MAP4K4: variants seen among roughly 807,000 people sequenced by gnomAD.
The protein encoded by MAP4K4 is mitogen-activated protein kinase kinase kinase kinase 4.
MAP4K4 carries 38 observed loss-of-function variants against 189.6 expected under a neutral mutation model. The observed-to-expected ratio is 0.20, with a 90% CI of 0.15 to 0.26. The LOEUF is 0.26. MAP4K4 is among the 10% of genes least tolerant of loss of function. The probability of loss-of-function intolerance (pLI) is 1.00; values close to 1 mark genes in which losing one functional copy is unlikely to be tolerated. For missense variants in MAP4K4, 1,054 were observed against 1,726.9 expected, an observed-to-expected ratio of 0.61 and a Z score of 6.91; for synonymous variants, 610 against 624.3, an observed-to-expected ratio of 0.98 and a Z score of 0.34.
intron 2 of MAP4K4, among the ~76,000 whole-genome samples, chr2:101,707,427 T>C (rs1463364872): frequency 1.3e-5 from 2 of 152,084 alleles, no homozygotes; most frequent in Non-Finnish European, 2.9e-5. Flanking sequence ...CAGGCTGTTA[T>C]CGAACTCCTG....
At chr2:101,882,911 C>T (rs886759362) in intron 28 of MAP4K4, among the ~76,000 whole-genome samples, 5 of 152,190 alleles carry the variant, frequency 3.3e-5, no homozygotes, top group African/African-American at 9.7e-5. Context: ...TAACAGAGTT[C>T]GTCCCTGCAA....
chr2:101,820,989 G>C (rs961546224), intron 3 of MAP4K4, among the ~76,000 whole-genome samples: 8 of 152,032 alleles, frequency 5.3e-5, no homozygotes, highest in Admixed American at 2.6e-4. Flanking sequence ...TTCTGTTTTA[G>C]AATAAAGTTC....
Position 101,821,318 on chromosome 2 carries a change from G to A in MAP4K4, c.181-2610G>A, listed in dbSNP as rs569399808. Among the ~76,000 whole-genome samples, 17 of 152,226 alleles carry A rather than the reference G, an allele frequency of 1.1e-4. No homozygotes were observed. In the South Asian group the frequency reaches 1.2e-3, roughly 11 times the overall value. On this transcript the variant is annotated intron_variant, in intron 3 of 32. Transcript: ENST00000324219. ...GTGCATCACTTAACCATGAGGATACGTTCTCAGAAATGCATCATTCATTAG... is the reference window on the plus strand; with the variant it reads ...GTGCATCACTTAACCATGAGGATACATTCTCAGAAATGCATCATTCATTAG...
intron 3 of MAP4K4, among the ~76,000 whole-genome samples, chr2:101,792,411 C>G (rs1392765777): frequency 6.6e-6 from 1 of 152,116 alleles, no homozygotes; most frequent in Non-Finnish European, 1.5e-5. Context: ...GGTCAGGATA[C>G]GTCCTCTTTC....
chr2:101,781,262 G>A (rs1050998201), intron 2 of MAP4K4, among the ~76,000 whole-genome samples: 1 of 152,096 alleles, frequency 6.6e-6, no homozygotes, highest in African/African-American at 2.4e-5. Context: ...CTTGGAAGGG[G>A]CGCTATCCTT....
chr2:101,808,537 CA>C (rs2095176882), intron 3 of MAP4K4, among the ~76,000 whole-genome samples: 1 of 147,966 alleles, frequency 6.8e-6, no homozygotes, highest in Non-Finnish European at 1.5e-5. Flanking sequence ...CCTGTTACAC[CA>C]CCCTCACCCC....
intron 9 of MAP4K4, among the ~76,000 whole-genome samples, chr2:101,838,024 C>T (rs2096812133): frequency 6.6e-6 from 1 of 152,210 alleles, no homozygotes; most frequent in Non-Finnish European, 1.5e-5. Flanking sequence ...TTTGTGATTG[C>T]TGTCCACCGT....
intron 28 of MAP4K4, among the ~76,000 whole-genome samples, chr2:101,884,896 G>A (rs2098459639): frequency 1.3e-5 from 2 of 152,168 alleles, no homozygotes; most frequent in Admixed American, 6.5e-5. Flanking sequence ...AGCCCTTGAA[G>A]ACTTCAGGGT....
chr2:101,712,016 C>A (rs73943739), intron 2 of MAP4K4, among the ~76,000 whole-genome samples: 2,049 of 133,058 alleles, frequency 0.015, 56 homozygotes, highest in African/African-American at 0.055. Flanking sequence ...CTTTTGCTGA[C>A]TTATTACCTA....
At chr2:101,824,913 A>G (rs1436564377) in intron 4 of MAP4K4, among the ~76,000 whole-genome samples, 1 of 152,216 alleles carries the variant, frequency 6.6e-6, no homozygotes, top group Non-Finnish European at 1.5e-5. Context: ...TATAAAATAT[A>G]ATAGTTTGAG....
At chr2:101,826,036 A>G (rs2096340743) in intron 5 of MAP4K4, among the ~76,000 whole-genome samples, 1 of 152,182 alleles carries the variant, frequency 6.6e-6, no homozygotes, top group Non-Finnish European at 1.5e-5. Context: ...AGGATTTCGT[A>G]TTTGAGCAGT....
At chr2:101,850,383 C>T (rs1429045105) in intron 12 of MAP4K4, among the ~76,000 whole-genome samples, 1 of 152,186 alleles carries the variant, frequency 6.6e-6, no homozygotes, top group Non-Finnish European at 1.5e-5. Context: ...AATTAATAAA[C>T]TGTGCCATGC....
intron 3 of MAP4K4, among the ~76,000 whole-genome samples, chr2:101,812,640 T>TA (rs959285132): frequency 4.5e-4 from 68 of 152,274 alleles, no homozygotes; most frequent in Admixed American, 2.4e-3. Flanking sequence ...GCTAATGACT[T>TA]AGAGTATCTT....
chr2:101,701,266 A>G (rs540878142), intron 2 of MAP4K4, among the ~76,000 whole-genome samples: 4 of 152,264 alleles, frequency 2.6e-5, no homozygotes, highest in Admixed American at 2.6e-4. Flanking sequence ...CTGAGATTTG[A>G]TATGTCGTAT....
intron 22 of MAP4K4, 63 bp downstream of exon 22, chr2:101,869,860 G>A: frequency 6.8e-7 from 1 of 1,462,550 alleles, no homozygotes; most frequent in Non-Finnish European, 9.0e-7. Flanking sequence ...TTTCCACTGG[G>A]ACCTAGTTGT....
chr2:101,793,260 T>C (rs35188912), intron 3 of MAP4K4, among the ~76,000 whole-genome samples: 2 of 152,244 alleles, frequency 1.3e-5, no homozygotes, highest in African/African-American at 4.8e-5. Context: ...CCATGTTTCT[T>C]GTGTGCTGTT....
chr2:101,699,212 G>A lies in MAP4K4; in HGVS notation c.123+674G>A, dbSNP rs189316023. On this transcript the variant is annotated intron_variant, in intron 2 of 32. Transcript: ENST00000324219. ...TGACAGAGAGCGAAGAGAATATAGA[G>A]GATGCCCTGGTTTACACCCACCCAG... Among the ~76,000 whole-genome samples, 405 of 152,240 alleles carry A rather than the reference G, an allele frequency of 2.7e-3. 13 individuals carry two copies. The highest frequency in any genetic ancestry group is 0.025 in the Admixed American group (375 of 15,288).
In MAP4K4 at chr2:101,789,662, T is replaced by G. The variant is rs1255156312; in HGVS notation, c.124-1058T>G. 1.1e-4 allele frequency among the ~76,000 whole-genome samples: 17 copies of G among 152,336 alleles called. No individual in the cohort carries two copies. The East Asian group carries it at 1.9e-3, about 17-fold the overall frequency. Reference sequence around the variant, plus strand: ...ATGAGACACAAGAGGGACAGGCTTTTGGAAAATATGGGGATGTTCTTTCTG... The same window carrying G: ...ATGAGACACAAGAGGGACAGGCTTTGGGAAAATATGGGGATGTTCTTTCTG... On this transcript the variant is annotated intron_variant, in intron 2 of 32. Transcript: ENST00000324219.
At position 101,867,844 on chromosome 2, in the gene MAP4K4, GATGT is replaced by G. The variant is rs2097860847; in HGVS notation, c.2455-184_2455-181del. ...CTCACCCTTCTCTTTTAATCCCTCT[GATGT>G]TACCTGACCATGTAATTGTGCACGC... On this transcript the variant is annotated intron_variant, in intron 20 of 32. Coordinates refer to ENST00000324219, the Ensembl canonical transcript of MAP4K4. 1.6e-5 allele frequency: 10 copies of G among 613,334 alleles called. No individual in the cohort carries two copies. The South Asian group carries it at 2.1e-4, about 13-fold the overall frequency. The allele number at this position is 613,334 out of a possible 1,614,324, so 38.0% of individuals were successfully genotyped here.
Sources: gnomAD v4.1 joint callset for allele counts (sites outside exome capture counted in the v4.1 genomes callset) on GRCh38, gnomAD v4.1.1 for gene constraint, MANE v1.5 for transcripts, NCBI Gene and HGNC (gene_info 2026-07-23, HGNC 2026-07-21) for gene names.